Variants in LRBA observed in about 807,000 individuals in gnomAD.
LRBA encodes the protein lipopolysaccharide-responsive and beige-like anchor protein.
Under a neutral mutation model 330.0 loss-of-function variants are expected in LRBA, and 176 were observed. The observed-to-expected ratio is 0.53, with a 90% CI of 0.47 to 0.60. The LOEUF (loss-of-function observed/expected upper bound fraction) is 0.60. Among genes scored for constraint, LRBA ranks in the 20% least tolerant of loss-of-function variants. The probability of loss-of-function intolerance (pLI) is 0.00; values close to 1 mark genes in which losing one functional copy is unlikely to be tolerated. For synonymous variants in LRBA, 1,230 were observed against 1,193.0 expected (o/e 1.03, Z -0.64); for missense variants, 3,259 against 3,444.8 (o/e 0.95, Z 1.35).
chr4:150,772,062 T>A (rs1411474429), intron 34 of LRBA, among the ~76,000 whole-genome samples: 2 of 152,266 alleles, frequency 1.3e-5, no homozygotes, highest in African/African-American at 2.4e-5. Context: ...CTTCCAAGTC[T>A]CTGACCATCC....
chr4:150,955,836 G>A (rs1737492295), intron 2 of LRBA, among the ~76,000 whole-genome samples: 1 of 148,248 alleles, frequency 6.7e-6, no homozygotes. Context: ...AGGTTGTGGT[G>A]AGCCGAGATT....
At chr4:150,607,496 T>G (rs967439446) in intron 37 of LRBA, among the ~76,000 whole-genome samples, 3 of 151,398 alleles carry the variant, frequency 2.0e-5, no homozygotes, top group Non-Finnish European at 4.4e-5. Context: ...CAGGCCTGAC[T>G]GGGAAAAATA....
chr4:150,529,703 C>T (rs1216724718), intron 40 of LRBA, among the ~76,000 whole-genome samples: 1 of 146,882 alleles, frequency 6.8e-6, no homozygotes, highest in Non-Finnish European at 1.5e-5. Context: ...GCCTGGGCTA[C>T]AGAGCGAGAC....
intron 36 of LRBA, among the ~76,000 whole-genome samples, chr4:150,708,661 T>C (rs902782995): frequency 6.6e-6 from 1 of 151,832 alleles, no homozygotes; most frequent in African/African-American, 2.4e-5. Flanking sequence ...AAACATGTTT[T>C]ATAAAATGCT....
At chr4:150,989,005 G>A (rs1355718474) in intron 2 of LRBA, among the ~76,000 whole-genome samples, 2 of 151,594 alleles carry the variant, frequency 1.3e-5, no homozygotes, top group Non-Finnish European at 2.9e-5. Flanking sequence ...TTTTTTTGTT[G>A]TTGTTTTTTT....
intron 2 of LRBA, among the ~76,000 whole-genome samples, chr4:150,963,029 A>C (rs1175848955): frequency 2.0e-5 from 3 of 148,162 alleles, no homozygotes; most frequent in Non-Finnish European, 4.4e-5. Flanking sequence ...TAAAAAAAAA[A>C]ACACCACTAG....
rs578088869 is a variant in LRBA at position 150,819,951 on chromosome 4, C to T, written c.5172-2694G>A. Among the ~76,000 whole-genome samples, 286 of 152,196 alleles carry T rather than the reference C, an allele frequency of 1.9e-3. 3 individuals carry two copies. Among genetic ancestry groups the T allele is most frequent in the African/African-American group, 6.6e-3 (274 of 41,556 alleles). The stretch of plus-strand genomic sequence containing the variant: ...TTTACATGTTCCTCACACACTTCTT[C>T]AACATGCTCTTATGGTTGCTAAGCG... On this transcript the variant is annotated intron_variant, in intron 30 of 56. Coordinates refer to ENST00000651943, the MANE Select transcript of LRBA (RefSeq NM_001364905.1).
chr4:150,483,934 C>T lies in LRBA; in HGVS notation c.6551+3798G>A, dbSNP rs550940989. ...AATTTCAATTTCTGATTGTTCATTG[C>T]TAGCATACAGGGATAAAATTGAGTT... On this transcript the variant is annotated intron_variant, in intron 42 of 56. Coordinates refer to ENST00000651943, the MANE Select transcript of LRBA (RefSeq NM_001364905.1). 1.3e-4 allele frequency among the ~76,000 whole-genome samples: 20 copies of T among 152,070 alleles called. No homozygotes were observed. The South Asian group carries it at 3.5e-3, about 27-fold the overall frequency.
intron 48 of LRBA, among the ~76,000 whole-genome samples, chr4:150,327,003 A>T (rs1314327500): frequency 1.3e-5 from 2 of 152,196 alleles, no homozygotes; most frequent in Non-Finnish European, 2.9e-5. Flanking sequence ...CATCAAGAAC[A>T]AGCTTGAGAA....
At chr4:150,977,732 G>A (rs1207451032) in intron 2 of LRBA, among the ~76,000 whole-genome samples, 2 of 152,180 alleles carry the variant, frequency 1.3e-5, no homozygotes, top group Non-Finnish European at 2.9e-5. Context: ...GAGTCCTTGG[G>A]CCTTAAGCGA....
chr4:150,351,785 A>G (rs545492401), intron 47 of LRBA, among the ~76,000 whole-genome samples: 9 of 152,240 alleles, frequency 5.9e-5, no homozygotes, highest in African/African-American at 2.2e-4. Context: ...GAATCTGTGA[A>G]TAGTACCAAA....
intron 2 of LRBA, among the ~76,000 whole-genome samples, chr4:150,939,124 C>T (rs542438668): frequency 6.6e-6 from 1 of 152,292 alleles, no homozygotes; most frequent in South Asian, 2.1e-4. Context: ...ATATGCTCTA[C>T]ACTACTGTGC....
At chr4:150,892,789 G>A (rs1729599611) in intron 17 of LRBA, among the ~76,000 whole-genome samples, 1 of 151,948 alleles carries the variant, frequency 6.6e-6, no homozygotes, top group Non-Finnish European at 1.5e-5. Context: ...CAATACAGTA[G>A]CTCTATAATA....
intron 48 of LRBA, among the ~76,000 whole-genome samples, chr4:150,327,233 A>G (rs1733397483): frequency 6.6e-6 from 1 of 152,040 alleles, no homozygotes; most frequent in Non-Finnish European, 1.5e-5. Context: ...AGAACGGCCT[A>G]CATAGTAAGA....
intron 37 of LRBA, among the ~76,000 whole-genome samples, chr4:150,669,285 T>C (rs139852662): frequency 1.5e-4 from 23 of 152,320 alleles, no homozygotes; most frequent in African/African-American, 5.5e-4. Context: ...GTTATAATCT[T>C]ATATAACCAC....
At chr4:150,622,373 T>C (rs1314445020) in intron 37 of LRBA, among the ~76,000 whole-genome samples, 1 of 152,152 alleles carries the variant, frequency 6.6e-6, no homozygotes, top group Non-Finnish European at 1.5e-5. Flanking sequence ...ATCCCATCTC[T>C]ACAAAAGTTA....
intron 44 of LRBA, among the ~76,000 whole-genome samples, chr4:150,451,710 T>C (rs1009167785): frequency 1.3e-5 from 2 of 151,928 alleles, no homozygotes; most frequent in Admixed American, 6.6e-5. Flanking sequence ...GCAAAGATCA[T>C]AGGAATTGAA....
intron 46 of LRBA, among the ~76,000 whole-genome samples, chr4:150,420,303 G>GTATAAAGTATA: frequency 6.9e-6 from 1 of 144,678 alleles, no homozygotes; most frequent in Non-Finnish European, 1.5e-5. Flanking sequence ...ACACATTATA[G>GTATAAAGTATA]TATAAAGTAT....
chr4:150,851,347 G>A (rs1000946565), intron 23 of LRBA, among the ~76,000 whole-genome samples: 1 of 152,210 alleles, frequency 6.6e-6, no homozygotes, highest in Non-Finnish European at 1.5e-5. Flanking sequence ...CAGAGGATAA[G>A]AATTGAATAA....
Sources: allele counts gnomAD v4.1 joint callset (sites outside exome capture counted in the v4.1 genomes callset), GRCh38; gene constraint gnomAD v4.1.1; transcripts MANE v1.5; gene names NCBI Gene and HGNC (gene_info 2026-07-23, HGNC 2026-07-21).